MDFIC2: variants seen among roughly 807,000 people sequenced by gnomAD.
MDFIC2 encodes the protein myoD family inhibitor domain-containing protein 2.
At position 70,230,364 on chromosome 3, in the gene MDFIC2, A is replaced by G. The variant is rs139306511; in HGVS notation, c.89-23574T>C. ...CATAGCAATAGAAATTTTTTTCACCAGGATATCCTTTCATAAAAATCTGTG... is the reference window on the plus strand; with the variant it reads ...CATAGCAATAGAAATTTTTTTCACCGGGATATCCTTTCATAAAAATCTGTG... On this transcript the variant is annotated intron_variant, in intron 2 of 3. Transcript: ENST00000567252. 3.2e-4 allele frequency among the ~76,000 whole-genome samples: 49 copies of G among 152,302 alleles called. No individual in the cohort carries two copies. In the East Asian group the frequency reaches 9.3e-3, roughly 29 times the overall value.
intron 2 of MDFIC2, among the ~76,000 whole-genome samples, chr3:70,290,837 C>T: frequency 6.6e-6 from 1 of 152,194 alleles, no homozygotes; most frequent in Non-Finnish European, 1.5e-5. Flanking sequence ...GTGCGGTCCT[C>T]ACCCCTTTCT....
At chr3:70,240,451 A>G (rs1363984122) in intron 2 of MDFIC2, among the ~76,000 whole-genome samples, 1 of 152,138 alleles carries the variant, frequency 6.6e-6, no homozygotes, top group Non-Finnish European at 1.5e-5. Context: ...TTTTTGACAC[A>G]CTATTTTTTG....
intron 2 of MDFIC2, among the ~76,000 whole-genome samples, chr3:70,310,749 G>T (rs1702446960): frequency 6.6e-6 from 1 of 152,136 alleles, no homozygotes; most frequent in African/African-American, 2.4e-5. Context: ...AGTTGGAGGT[G>T]TTGATTTCAA....
chr3:70,202,271 G>C (rs1408654081), intron 3 of MDFIC2, among the ~76,000 whole-genome samples: 1 of 152,122 alleles, frequency 6.6e-6, no homozygotes, highest in Non-Finnish European at 1.5e-5. Flanking sequence ...TCAGTGACTA[G>C]TGGTCTTTCT....
At chr3:70,307,937 C>T (rs1284116460) in intron 2 of MDFIC2, among the ~76,000 whole-genome samples, 2 of 152,208 alleles carry the variant, frequency 1.3e-5, no homozygotes, top group South Asian at 2.1e-4. Flanking sequence ...GCCTTTGCTC[C>T]CTGCATCACC....
intron 2 of MDFIC2, among the ~76,000 whole-genome samples, chr3:70,227,749 G>A (rs886992781): frequency 4.6e-5 from 7 of 152,096 alleles, no homozygotes; most frequent in African/African-American, 1.7e-4. Flanking sequence ...CAATAACTCC[G>A]TGGGATAAGC....
chr3:70,212,717 A>G (rs1701363671), intron 2 of MDFIC2, among the ~76,000 whole-genome samples: 1 of 152,156 alleles, frequency 6.6e-6, no homozygotes, highest in East Asian at 1.9e-4. Context: ...TCATAAAGAA[A>G]GCAAAACACA....
chr3:70,307,586 T>C (rs1702414101), intron 2 of MDFIC2, among the ~76,000 whole-genome samples: 2 of 152,278 alleles, frequency 1.3e-5, no homozygotes, highest in South Asian at 2.1e-4. Flanking sequence ...CTCTTTGATA[T>C]GGCTTTCATT....
intron 2 of MDFIC2, among the ~76,000 whole-genome samples, chr3:70,232,783 C>T (rs1200095201): frequency 1.3e-5 from 2 of 152,122 alleles, no homozygotes; most frequent in African/African-American, 4.8e-5. Flanking sequence ...CAGGGACTGA[C>T]TTCTTACTGG....
chr3:70,273,072 A>G (rs1219231457), intron 2 of MDFIC2, among the ~76,000 whole-genome samples: 1 of 152,206 alleles, frequency 6.6e-6, no homozygotes, highest in Non-Finnish European at 1.5e-5. Context: ...AGGGAAGTTC[A>G]GCCAGTGACC....
At chr3:70,219,410 T>C (rs1280816741) in intron 2 of MDFIC2, among the ~76,000 whole-genome samples, 1 of 152,174 alleles carries the variant, frequency 6.6e-6, no homozygotes, top group Non-Finnish European at 1.5e-5. Context: ...TTTAGAGGTG[T>C]TGATTTTTGA....
intron 2 of MDFIC2, among the ~76,000 whole-genome samples, chr3:70,304,346 C>T (rs534877446): frequency 6.6e-6 from 1 of 152,202 alleles, no homozygotes; most frequent in Non-Finnish European, 1.5e-5. Flanking sequence ...AATCTCAAGA[C>T]TTCTCTTGTC....
At chr3:70,311,775 A>G (rs1292985109) in intron 2 of MDFIC2, 111 bp downstream of exon 2, 2 of 391,332 alleles carry the variant, frequency 5.1e-6, no homozygotes, top group African/African-American at 2.1e-5. Flanking sequence ...AATCAGAAGT[A>G]CTACTATTTG....
At chr3:70,229,964 AT>A (rs543072173) in intron 2 of MDFIC2, among the ~76,000 whole-genome samples, 9 of 152,186 alleles carry the variant, frequency 5.9e-5, no homozygotes, top group Non-Finnish European at 1.3e-4. Context: ...AATATTTAAT[AT>A]TTATTGAATT....
chr3:70,234,664 T>C (rs1001068068), intron 2 of MDFIC2, among the ~76,000 whole-genome samples: 2 of 151,412 alleles, frequency 1.3e-5, no homozygotes, highest in Non-Finnish European at 2.9e-5. Context: ...AAGTTTCTGG[T>C]GCTTAATAGA....
At chr3:70,201,559 C>T (rs983090290) in intron 3 of MDFIC2, among the ~76,000 whole-genome samples, 3 of 152,148 alleles carry the variant, frequency 2.0e-5, no homozygotes, top group African/African-American at 7.2e-5. Context: ...CTATTATGAT[C>T]CCTGTTTATG....
chr3:70,276,398 A>G (rs1014990116), intron 2 of MDFIC2, among the ~76,000 whole-genome samples: 3 of 152,344 alleles, frequency 2.0e-5, no homozygotes, highest in African/African-American at 7.2e-5. Context: ...TCTTGTGATT[A>G]TAAGTAAACA....
chr3:70,261,376 T>C (rs757664853), intron 2 of MDFIC2, among the ~76,000 whole-genome samples: 5 of 152,210 alleles, frequency 3.3e-5, no homozygotes, highest in Non-Finnish European at 7.4e-5. Context: ...TGAACATGCA[T>C]ATGTTTAATC....
At chr3:70,261,359 G>A (rs374693096) in intron 2 of MDFIC2, among the ~76,000 whole-genome samples, 10 of 152,156 alleles carry the variant, frequency 6.6e-5, no homozygotes, top group African/African-American at 2.2e-4. Context: ...TTCAAAAAAA[G>A]TTGATGTGAA....
Sources: allele counts gnomAD v4.1 joint callset (sites outside exome capture counted in the v4.1 genomes callset), GRCh38; gene constraint gnomAD v4.1.1; transcripts MANE v1.5; gene names NCBI Gene and HGNC (gene_info 2026-07-23, HGNC 2026-07-21).